The following EPHA5 variants were observed in gnomAD, a reference collection of about 807,000 sequenced individuals.
EPHA5 encodes EPH receptor A5.
EPHA5 carries 60 observed loss-of-function variants against 105.0 expected under a neutral mutation model. The observed-to-expected ratio is 0.57, with a 90% CI of 0.46 to 0.71. EPHA5 has a LOEUF of 0.71. Ranked by LOEUF, EPHA5 falls within the 30% of genes least tolerant of loss-of-function variation. The pLI, the probability that EPHA5 is intolerant of heterozygous loss-of-function variation, is 0.00. For synonymous variants in EPHA5, 513 were observed against 449.1 expected, an observed-to-expected ratio of 1.14 and a Z score of -1.80; for missense variants, 1,218 against 1,274.7, an observed-to-expected ratio of 0.96 and a Z score of 0.68.
intron 2 of EPHA5, among the ~76,000 whole-genome samples, chr4:65,637,686 A>AT (rs1488803159): frequency 6.6e-6 from 1 of 150,730 alleles, no homozygotes; most frequent in Non-Finnish European, 1.5e-5. Flanking sequence ...AGGAAAGGAT[A>AT]TTTACTGACT....
Position 65,581,418 on chromosome 4 carries a change from A to G in EPHA5, c.910+20223T>C, listed in dbSNP as rs536500719. Among the ~76,000 whole-genome samples the G allele has an allele frequency of 1.0e-3, 152 of 151,830 alleles. 1 individual carries two copies. Among genetic ancestry groups the G allele is most frequent in the Non-Finnish European group, 1.6e-3 (107 of 67,726 alleles). ...GGTAAATTATTTTTACATATCCTACAAAGTCAATCTCTTATTTTAAAGACT... is the reference window on the plus strand; with the variant it reads ...GGTAAATTATTTTTACATATCCTACGAAGTCAATCTCTTATTTTAAAGACT... On this transcript the variant is annotated intron_variant, in intron 3 of 16. Transcript: ENST00000613740.
At chr4:65,333,303 T>A (rs1720821750) in intron 15 of EPHA5, among the ~76,000 whole-genome samples, 1 of 151,684 alleles carries the variant, frequency 6.6e-6, no homozygotes, top group Admixed American at 6.6e-5. Flanking sequence ...TCACATTCCA[T>A]TTACCCTTGA....
intron 3 of EPHA5, chr4:65,573,806 T>C: frequency 6.2e-7 from 1 of 1,613,738 alleles, no homozygotes; most frequent in Non-Finnish European, 8.5e-7. Context: ...CTAGATATTA[T>C]CCTACTGAAG....
chr4:65,566,907 C>G (rs1307646089), intron 3 of EPHA5, among the ~76,000 whole-genome samples: 1 of 151,354 alleles, frequency 6.6e-6, no homozygotes, highest in Non-Finnish European at 1.5e-5. Flanking sequence ...ATAACGGAGG[C>G]TTGTTTTTGA....
Position 65,444,429 on chromosome 4 carries a change from G to T in EPHA5, c.1403-23864C>A, listed in dbSNP as rs948484394. 5.3e-5 allele frequency among the ~76,000 whole-genome samples: 8 copies of T among 152,052 alleles called. No individual in the cohort carries two copies. The South Asian group carries it at 1.4e-3, about 28-fold the overall frequency. On this transcript the variant is annotated intron_variant, in intron 5 of 16. Transcript: ENST00000613740. ...TTTATAAAATCTCAGGAGAAAAGAG[G>T]AAATCAAAGATCCATTTATTGAATG...
At chr4:65,570,957 G>A (rs1366244664) in intron 3 of EPHA5, among the ~76,000 whole-genome samples, 1 of 151,906 alleles carries the variant, frequency 6.6e-6, no homozygotes, top group Non-Finnish European at 1.5e-5. Flanking sequence ...GGCATAATAT[G>A]ACCAGAAGAA....
chr4:65,506,428 G>C (rs1201380358), intron 3 of EPHA5, among the ~76,000 whole-genome samples: 1 of 145,472 alleles, frequency 6.9e-6, no homozygotes, highest in Admixed American at 6.8e-5. Flanking sequence ...TCGCCACACT[G>C]TCTTCCACAA....
At chr4:65,443,944 CGCGCACAT>C (rs1726265732) in intron 5 of EPHA5, among the ~76,000 whole-genome samples, 1 of 151,016 alleles carries the variant, frequency 6.6e-6, no homozygotes, top group Non-Finnish European at 1.5e-5. Context: ...CACGTGTGCA[CGCGCACAT>C]GCGCACTGGG....
intron 14 of EPHA5, among the ~76,000 whole-genome samples, chr4:65,347,032 G>T (rs1035764863): frequency 2.6e-5 from 4 of 152,062 alleles, no homozygotes; most frequent in African/African-American, 7.2e-5. Context: ...GGTTGGACTC[G>T]AATTTTTAGA....
intron 10 of EPHA5, 63 bp downstream of exon 10, chr4:65,365,868 CT>C: frequency 6.6e-7 from 1 of 1,514,184 alleles, no homozygotes; most frequent in Non-Finnish European, 9.1e-7. Context: ...CATCAGGACA[CT>C]GGTATATTAC....
rs1294985181 is a variant in EPHA5 at position 65,321,506 on chromosome 4, TG to T, written c.*2607del. The T allele has an allele frequency of 4.4e-6, 1 of 229,074 alleles. No homozygotes were observed. The highest frequency in any genetic ancestry group is 8.7e-6 in the Non-Finnish European group (1 of 115,434). The allele number at this position is 229,074 out of a possible 1,614,324, so 14.2% of individuals were successfully genotyped here. On this transcript the variant is annotated 3_prime_UTR_variant, in exon 17 of 17. Coordinates refer to ENST00000613740, the MANE Select transcript of EPHA5 (RefSeq NM_001281766.3). ...TTTCCTCTTTTTTAGGGAGAGTACT[TG>T]TTGTTTGACAGTCTCTTTATTCATT...
intron 5 of EPHA5, among the ~76,000 whole-genome samples, chr4:65,456,724 A>G (rs904051432): frequency 9.5e-5 from 4 of 42,272 alleles, no homozygotes; most frequent in Non-Finnish European, 2.1e-4. Flanking sequence ...ATAAACATAT[A>G]CACACACACA....
At chr4:65,444,815 T>C (rs1726356953) in intron 5 of EPHA5, among the ~76,000 whole-genome samples, 1 of 152,120 alleles carries the variant, frequency 6.6e-6, no homozygotes, top group Non-Finnish European at 1.5e-5. Flanking sequence ...TTGGTTGCTT[T>C]TAGAAGTAAT....
chr4:65,530,330 T>C (rs1735646176), intron 3 of EPHA5, among the ~76,000 whole-genome samples: 1 of 152,104 alleles, frequency 6.6e-6, no homozygotes, highest in Admixed American at 6.6e-5. Context: ...GATTAAAGAC[T>C]TTAAAAATAA....
intron 2 of EPHA5, among the ~76,000 whole-genome samples, chr4:65,636,632 ATAGAAT>A (rs1045689355): frequency 1.3e-5 from 2 of 152,112 alleles, no homozygotes; most frequent in African/African-American, 4.8e-5. Context: ...TCATAGCAAG[ATAGAAT>A]TAGAAAGAGC....
intron 3 of EPHA5, among the ~76,000 whole-genome samples, chr4:65,559,792 AAAC>A (rs1013382558): frequency 6.6e-6 from 1 of 152,170 alleles, no homozygotes; most frequent in African/African-American, 2.4e-5. Flanking sequence ...TATAAATGGA[AAAC>A]AACATTTCTT....
chr4:65,650,855 A>G lies in EPHA5; in HGVS notation c.182-7428T>C, dbSNP rs1018941556. 5.9e-5 allele frequency among the ~76,000 whole-genome samples: 9 copies of G among 152,306 alleles called. No homozygotes were observed. The East Asian group carries it at 1.7e-3, about 29-fold the overall frequency. On this transcript the variant is annotated intron_variant, in intron 1 of 16. Coordinates refer to ENST00000613740, the MANE Select transcript of EPHA5 (RefSeq NM_001281766.3). ...TCCAGAAAGATCTTTGTAAACCACC[A>G]ATATAATCATGTCCCTCTCTTACTT... is the stretch of plus-strand genomic sequence containing the variant.
Position 65,553,625 on chromosome 4 carries a change from A to G in EPHA5, c.910+48016T>C, listed in dbSNP as rs376687533. ...AAAGAATAAGCAGAAATTCATTTCTAAAGTGTTATGTGTGAAGAAATGCGG... is the reference window on the plus strand; with the variant it reads ...AAAGAATAAGCAGAAATTCATTTCTGAAGTGTTATGTGTGAAGAAATGCGG... On this transcript the variant is annotated intron_variant, in intron 3 of 16. Coordinates refer to ENST00000613740, the MANE Select transcript of EPHA5 (RefSeq NM_001281766.3). 2.6e-5 allele frequency among the ~76,000 whole-genome samples: 4 copies of G among 152,168 alleles called. No homozygotes were observed. The East Asian group carries it at 5.8e-4, about 22-fold the overall frequency.
intron 11 of EPHA5, among the ~76,000 whole-genome samples, chr4:65,356,351 T>C (rs765290191): frequency 1.3e-5 from 2 of 151,530 alleles, no homozygotes; most frequent in African/African-American, 2.4e-5. Context: ...AATTCTCATA[T>C]AAAATTATCT....
Sources: allele counts gnomAD v4.1 joint callset (sites outside exome capture counted in the v4.1 genomes callset), GRCh38; gene constraint gnomAD v4.1.1; transcripts MANE v1.5; gene names NCBI Gene and HGNC (gene_info 2026-07-23, HGNC 2026-07-21).